The following RGS5 variants were observed in gnomAD, a reference collection of about 807,000 sequenced individuals.
RGS5 encodes regulator of G-protein signalling 5.
RGS5 carries 20 observed loss-of-function variants against 18.9 expected under a neutral mutation model. That is an observed-to-expected ratio of 1.06 (90% CI 0.74 to 1.54). The LOEUF (loss-of-function observed/expected upper bound fraction) is 1.54. RGS5 is among the 40% of genes most tolerant of loss of function. The pLI, the probability that RGS5 is intolerant of heterozygous loss-of-function variation, is 0.00. For missense variants in RGS5, 201 were observed against 211.8 expected, an observed-to-expected ratio of 0.95 and a Z score of 0.32; for synonymous variants, 57 against 76.2, an observed-to-expected ratio of 0.75 and a Z score of 1.31.
chr1:163,277,948 G>C (rs1392135089), intron 2 of RGS5, among the ~76,000 whole-genome samples: 1 of 151,956 alleles, frequency 6.6e-6, no homozygotes, highest in East Asian at 1.9e-4. Context: ...AAGTTGAAGA[G>C]AGATCTTTTG....
Position 163,147,466 on chromosome 1 carries a change from T to C in RGS5, c.422A>G (p.Lys141Arg). 6.2e-7 allele frequency: 1 copy of C among 1,611,048 alleles called. No homozygotes were observed. The highest frequency in any genetic ancestry group is 8.5e-7 in the Non-Finnish European group (1 of 1,178,546). ...GCTCAGGGAAGGTTCCACCAGGTTC[T>C]TCATTGTGATGTCCTTAGTGAAGTG... The part of the protein sequence containing the change: ...IDHFTKDITM[K>R]NLVEPSLSSF... The change falls in exon 5 of 5, where the codon AAG becomes AGG. Residue 141 changes from lysine (K) to arginine (R), a missense_variant. Lys to Arg is a conservative substitution (Grantham distance 26). Transcript: ENST00000313961.
intron 2 of RGS5, among the ~76,000 whole-genome samples, chr1:163,268,785 C>T (rs2101710435): frequency 6.6e-6 from 1 of 152,270 alleles, no homozygotes; most frequent in South Asian, 2.1e-4. Context: ...CCCCTCTCTT[C>T]CTTCTGCCTT....
intron 1 of RGS5, among the ~76,000 whole-genome samples, chr1:163,169,336 T>A (rs1658199645): frequency 2.0e-5 from 3 of 152,176 alleles, no homozygotes; most frequent in Non-Finnish European, 2.9e-5. Flanking sequence ...TGTGCATGTG[T>A]CTTTATAGCA....
intron 2 of RGS5, among the ~76,000 whole-genome samples, chr1:163,266,365 AATTGTCACCT>A (rs1648573837): frequency 6.6e-6 from 1 of 152,066 alleles, no homozygotes; most frequent in African/African-American, 2.4e-5. Context: ...TGATTCTTGC[AATTGTCACCT>A]AATTTGTCTG....
rs150456164 is a variant in RGS5 at position 163,302,160 on chromosome 1, A to G, written c.-281+4073T>C. On this transcript the variant is annotated intron_variant, in intron 2 of 5. Coordinates refer to the RGS5 transcript ENST00000618415. ...AAGATACTCTGAAGACTAGAGAAGA[A>G]TAAGTAGTAAGTAAACAATAACTCA... is the stretch of plus-strand genomic sequence containing the variant. Among the ~76,000 whole-genome samples the G allele has an allele frequency of 3.2e-3, 495 of 152,342 alleles. 2 individuals are homozygous for G. The highest frequency in any genetic ancestry group is 0.012 in the African/African-American group (480 of 41,570).
intron 1 of RGS5, among the ~76,000 whole-genome samples, chr1:163,194,113 G>A (rs1053499575): frequency 2.0e-5 from 3 of 152,196 alleles, no homozygotes; most frequent in East Asian, 1.9e-4. Flanking sequence ...ACAAGAAACC[G>A]AGACCACCCT....
chr1:163,262,246 C>T (rs1443331271), intron 2 of RGS5, among the ~76,000 whole-genome samples: 18 of 116,344 alleles, frequency 1.5e-4, no homozygotes, highest in African/African-American at 2.7e-4. Flanking sequence ...CATGCTGGTG[C>T]GCTGCACCCA....
chr1:163,246,395 C>T (rs913938835), intron 2 of RGS5, among the ~76,000 whole-genome samples: 1 of 151,660 alleles, frequency 6.6e-6, no homozygotes, highest in African/African-American at 2.4e-5. Flanking sequence ...ATGGTGAAAC[C>T]CCATCTCTAC....
At position 163,186,574 on chromosome 1, in the gene RGS5, G is replaced by C. The variant is rs1220131213; in HGVS notation, c.44+16218C>G. Among the ~76,000 whole-genome samples the C allele has an allele frequency of 4.5e-5, 3 of 66,778 alleles. No individual in the cohort carries two copies. The East Asian group carries it at 1.8e-3, about 41-fold the overall frequency. The allele number at this position is 66,778 out of a possible 152,430, so 43.8% of individuals were successfully genotyped here. On this transcript the variant is annotated intron_variant, in intron 1 of 4. Coordinates refer to ENST00000313961, the MANE Select transcript of RGS5 (RefSeq NM_003617.4). ...AGCCTGGGCGACAGAGCGAGACTCTGTCTCAAAAAAAAAAAAAAAAAAAGA... is the reference window on the plus strand; with the variant it reads ...AGCCTGGGCGACAGAGCGAGACTCTCTCTCAAAAAAAAAAAAAAAAAAAGA...
intron 2 of RGS5, among the ~76,000 whole-genome samples, chr1:163,302,793 C>G (rs1178213852): frequency 6.6e-6 from 1 of 152,204 alleles, no homozygotes; most frequent in Non-Finnish European, 1.5e-5. Flanking sequence ...TTCCTCACAC[C>G]AAATTCAGAA....
rs1056515 is a variant in RGS5, at chr1:163,143,470, G to C, written c.*3872C>G. On this transcript the variant is annotated 3_prime_UTR_variant, in exon 5 of 5. Coordinates refer to ENST00000313961, the MANE Select transcript of RGS5 (RefSeq NM_003617.4). Reference sequence around the variant, plus strand: ...CATTTTTCTAGTCAAGGCTTTCTAGGATGATAAAATAAAATTTTACATCTA... The same window carrying C: ...CATTTTTCTAGTCAAGGCTTTCTAGCATGATAAAATAAAATTTTACATCTA... 6.6e-6 allele frequency: 1 copy of C among 151,906 alleles called. No individual in the cohort carries two copies. Among genetic ancestry groups the C allele is most frequent in the Non-Finnish European group, 1.5e-5 (1 of 67,960 alleles). The allele number at this position is 151,906 out of a possible 1,614,324, so 9.4% of individuals were successfully genotyped here.
intron 1 of RGS5, among the ~76,000 whole-genome samples, chr1:163,188,076 G>A (rs531875571): frequency 4.6e-5 from 7 of 152,150 alleles, no homozygotes; most frequent in Admixed American, 2.6e-4. Context: ...CGGAAAATAC[G>A]GCTTGAGGAG....
intron 2 of RGS5, chr1:163,304,309 G>T (rs1349829870): frequency 6.6e-6 from 1 of 152,206 alleles, no homozygotes; most frequent in Non-Finnish European, 1.5e-5. Context: ...GCTCCTGCCT[G>T]TCAGGCTTCT....
intron 2 of RGS5, among the ~76,000 whole-genome samples, chr1:163,270,352 GAAAAAAAAA>G (rs59181379): frequency 1.1e-5 from 1 of 94,700 alleles, no homozygotes; most frequent in Non-Finnish European, 2.0e-5. Flanking sequence ...TCTCTATTGA[GAAAAAAAAA>G]AAAAAAAAAA....
chr1:163,231,253 G>GTAAAAA (rs1647474207), intron 2 of RGS5, among the ~76,000 whole-genome samples: 1 of 152,096 alleles, frequency 6.6e-6, no homozygotes, highest in Non-Finnish European at 1.5e-5. Flanking sequence ...TAATAATCCT[G>GTAAAAA]TGCATTTGCA....
intron 1 of RGS5, among the ~76,000 whole-genome samples, chr1:163,314,565 A>AC (rs1398874369): frequency 5.9e-5 from 9 of 152,190 alleles, no homozygotes; most frequent in South Asian, 2.1e-4. Context: ...AACAACAACA[A>AC]AAAAAACCTA....
chr1:163,270,952 A>G lies in RGS5; in HGVS notation c.-281+35281T>C, dbSNP rs534893116. Among the ~76,000 whole-genome samples, 8 of 152,288 alleles carry G rather than the reference A, an allele frequency of 5.3e-5. No homozygotes were observed. The East Asian group carries it at 1.3e-3, about 26-fold the overall frequency. On this transcript the variant is annotated intron_variant, in intron 2 of 5. Transcript: ENST00000618415. ...TTTTTTAAAGCTTTTTAAAATAGAT[A>G]CAGCTTTGTTGAGGTATAATTTAAA...
chr1:163,317,412 T>C (rs925966822), intron 1 of RGS5, among the ~76,000 whole-genome samples: 1 of 152,170 alleles, frequency 6.6e-6, no homozygotes, highest in African/African-American at 2.4e-5. Context: ...AGTCACCAAG[T>C]TTTGCCACTT....
At chr1:163,192,652 A>G (rs554963486) in intron 1 of RGS5, among the ~76,000 whole-genome samples, 1 of 152,314 alleles carries the variant, frequency 6.6e-6, no homozygotes, top group East Asian at 1.9e-4. Flanking sequence ...TTGAGGGTAT[A>G]TGTGTGTAAG....
Sources: gnomAD v4.1 joint callset for allele counts (sites outside exome capture counted in the v4.1 genomes callset) on GRCh38, gnomAD v4.1.1 for gene constraint, MANE v1.5 for transcripts, NCBI Gene and HGNC (gene_info 2026-07-23, HGNC 2026-07-21) for gene names.